SRGAP3: variants seen among roughly 807,000 people sequenced by gnomAD.
The protein encoded by SRGAP3 is SLIT-ROBO Rho GTPase activating protein 3, also known as SLIT-ROBO Rho GTPase-activating protein 3.
Under a neutral mutation model 121.1 loss-of-function variants are expected in SRGAP3, and 39 were observed. The observed-to-expected ratio is 0.32, with a 90% CI of 0.25 to 0.42. SRGAP3 has a LOEUF of 0.42. SRGAP3 is among the 10% of genes least tolerant of loss of function. SRGAP3 has a pLI of 1.00. For missense variants in SRGAP3, 1,213 were observed against 1,470.6 expected (o/e 0.82, Z 2.86); for synonymous variants, 601 against 570.0 (o/e 1.05, Z -0.77).
chr3:9,351,502 T>C (rs1448648656), intron 1 of SRGAP3, among the ~76,000 whole-genome samples: 1 of 152,032 alleles, frequency 6.6e-6, no homozygotes, highest in Non-Finnish European at 1.5e-5. Context: ...CAAGCATCCC[T>C]CAATAAGGTC....
chr3:9,096,937 G>GTGTATA (rs1186683940), intron 3 of SRGAP3, among the ~76,000 whole-genome samples: 1 of 61,300 alleles, frequency 1.6e-5, no homozygotes, highest in Admixed American at 2.3e-4. Flanking sequence ...ACATTATTTT[G>GTGTATA]TATATATATA....
At chr3:8,987,359 C>T (rs755255107) in intron 21 of SRGAP3, among the ~76,000 whole-genome samples, 12 of 152,140 alleles carry the variant, frequency 7.9e-5, no homozygotes, top group Non-Finnish European at 1.0e-4. Context: ...TGGTAGGTGC[C>T]GTGCATAACC....
At chr3:9,108,599 T>C (rs1176469289) in intron 2 of SRGAP3, among the ~76,000 whole-genome samples, 3 of 152,166 alleles carry the variant, frequency 2.0e-5, no homozygotes, top group East Asian at 1.9e-4. Flanking sequence ...GCCTGAGTAA[T>C]AGGCAAGACC....
chr3:9,275,433 C>T (rs1954553707), intron 3 of SRGAP3, among the ~76,000 whole-genome samples: 1 of 152,130 alleles, frequency 6.6e-6, no homozygotes, highest in Non-Finnish European at 1.5e-5. Flanking sequence ...AATGCTCACA[C>T]TCATTCTTAC....
At chr3:8,998,614 T>A (rs1171156650) in intron 18 of SRGAP3, among the ~76,000 whole-genome samples, 1 of 152,056 alleles carries the variant, frequency 6.6e-6, no homozygotes, top group Admixed American at 6.5e-5. Flanking sequence ...TATACACACA[T>A]ATAATTTTGA....
chr3:9,230,339 T>G (rs923820552), intron 1 of SRGAP3, among the ~76,000 whole-genome samples: 2 of 152,242 alleles, frequency 1.3e-5, no homozygotes, highest in Non-Finnish European at 2.9e-5. Context: ...TCCCAATTAC[T>G]AAGCCTGCCT....
intron 1 of SRGAP3, among the ~76,000 whole-genome samples, chr3:9,215,960 T>G (rs754369789): frequency 1.3e-5 from 2 of 152,220 alleles, no homozygotes; most frequent in Non-Finnish European, 2.9e-5. Flanking sequence ...TCCATTATGA[T>G]GTGAGCCAAT....
intron 1 of SRGAP3, among the ~76,000 whole-genome samples, chr3:9,347,445 G>A (rs1277030227): frequency 6.6e-6 from 1 of 152,096 alleles, no homozygotes; most frequent in Non-Finnish European, 1.5e-5. Flanking sequence ...ATATATGCAG[G>A]ACTCTGTTAA....
intron 3 of SRGAP3, among the ~76,000 whole-genome samples, chr3:9,262,534 CAAAAAAAAAAAAAAA>C (rs765408588): frequency 3.9e-5 from 1 of 25,580 alleles, no homozygotes; most frequent in Non-Finnish European, 7.5e-5. Context: ...AAATGGAAAG[CAAAAAAAAAAAAAAA>C]AAAAAAAGCA....
At chr3:9,231,587 T>C (rs977410097) in intron 1 of SRGAP3, among the ~76,000 whole-genome samples, 1 of 152,178 alleles carries the variant, frequency 6.6e-6, no homozygotes, top group Admixed American at 6.5e-5. Context: ...CTCTCCTTGA[T>C]AGCTATTCCA....
rs762402973 is a variant in SRGAP3, at chr3:9,248,975, G to A, written c.-24C>T. On this transcript the variant is annotated 5_prime_UTR_variant, in exon 1 of 22. Transcript: ENST00000383836. ...ATCTTCTGACGTGGCCAAAGGAACT[G>A]ACAGGCTGTTTGATTTATTTCTCCT... 7.4e-6 allele frequency: 12 copies of A among 1,610,928 alleles called. No homozygotes were observed. The highest frequency in any genetic ancestry group is 1.7e-5 in the Admixed American group (1 of 59,982).
At chr3:9,276,295 C>A (rs1954575053) in intron 3 of SRGAP3, among the ~76,000 whole-genome samples, 3 of 152,124 alleles carry the variant, frequency 2.0e-5, no homozygotes, top group African/African-American at 7.2e-5. Context: ...ACTAAGGGGT[C>A]CCCTAGTTAG....
chr3:8,989,544 C>A, intron 21 of SRGAP3, among the ~76,000 whole-genome samples: 1 of 152,298 alleles, frequency 6.6e-6, no homozygotes, highest in Admixed American at 6.5e-5. Flanking sequence ...CAGTAAAATT[C>A]TCACAGACCA....
At chr3:9,223,602 G>A (rs1363189874) in intron 1 of SRGAP3, among the ~76,000 whole-genome samples, 2 of 152,154 alleles carry the variant, frequency 1.3e-5, no homozygotes, top group African/African-American at 4.8e-5. Context: ...CCTGCATCAC[G>A]GGGTTGCTAG....
chr3:9,192,504 CTA>C (rs1278559315), intron 1 of SRGAP3: 1 of 152,170 alleles, frequency 6.6e-6, no homozygotes, highest in Non-Finnish European at 1.5e-5. Flanking sequence ...GGTTTCCCTG[CTA>C]TGTTTTGTCA....
At chr3:9,058,207 C>T in intron 7 of SRGAP3, 44 bp downstream of exon 7, 4 of 1,599,876 alleles carry the variant, frequency 2.5e-6, no homozygotes, top group Non-Finnish European at 3.4e-6. Flanking sequence ...CATGGGGGAA[C>T]AGAGGGAAGC....
intron 1 of SRGAP3, among the ~76,000 whole-genome samples, chr3:9,145,902 T>C (rs1182163556): frequency 1.3e-5 from 2 of 152,138 alleles, no homozygotes; most frequent in South Asian, 2.1e-4. Flanking sequence ...ATGTGACCTG[T>C]TCAGGGACTG....
chr3:9,211,300 A>G (rs2125177838), intron 1 of SRGAP3, among the ~76,000 whole-genome samples: 1 of 152,324 alleles, frequency 6.6e-6, no homozygotes, highest in Non-Finnish European at 1.5e-5. Flanking sequence ...AGATGTATGG[A>G]ATCTCTCATT....
Position 8,985,401 on chromosome 3 carries a change from C to T in SRGAP3, c.*118G>A. On this transcript the variant is annotated 3_prime_UTR_variant, in exon 22 of 22. Coordinates refer to ENST00000383836, the MANE Select transcript of SRGAP3 (RefSeq NM_014850.4). The surrounding 1 kb of genome is among the most constrained non-coding windows in gnomAD (Gnocchi z 5.1). The stretch of plus-strand genomic sequence containing the variant: ...CTCAGCTCTGCACAGACACACCCTC[C>T]CAGACGGACCTCTGCCCTCCAAGGC... The T allele has an allele frequency of 6.6e-7, 1 of 1,516,164 alleles. No homozygotes were observed. Among genetic ancestry groups the T allele is most frequent in the African/African-American group, 1.4e-5 (1 of 72,546 alleles). 93.9% of individuals were successfully genotyped at this position (1,516,164 alleles called of 1,614,324 possible).
Sources: gnomAD v4.1 joint callset for allele counts (sites outside exome capture counted in the v4.1 genomes callset) on GRCh38, gnomAD v4.1.1 for gene constraint, Gnocchi (gnomAD v3.1) non-coding constraint, MANE v1.5 for transcripts, NCBI Gene and HGNC (gene_info 2026-07-23, HGNC 2026-07-21) for gene names.